KANK4: variants seen among roughly 807,000 people sequenced by gnomAD.
KANK4 encodes KN motif and ankyrin repeat domain-containing protein 4.
KANK4 carries 50 observed loss-of-function variants against 80.8 expected under a neutral mutation model. That is an observed-to-expected ratio of 0.62 (90% confidence interval 0.49 to 0.78). The LOEUF (loss-of-function observed/expected upper bound fraction) is 0.78. KANK4 is among the 30% of genes least tolerant of loss of function. KANK4 has a pLI of 0.00. For synonymous variants in KANK4, 465 were observed against 506.9 expected (o/e 0.92, Z 1.11); for missense variants, 1,196 against 1,240.1 (o/e 0.96, Z 0.53).
At chr1:62,306,156 T>C (rs969424892) in intron 1 of KANK4, among the ~76,000 whole-genome samples, 1 of 151,996 alleles carries the variant, frequency 6.6e-6, no homozygotes, top group Non-Finnish European at 1.5e-5. Flanking sequence ...AGCTAATTTT[T>C]ATTTTTATGT....
At chr1:62,296,321 C>T (rs1644363483) in intron 1 of KANK4, among the ~76,000 whole-genome samples, 1 of 152,158 alleles carries the variant, frequency 6.6e-6, no homozygotes, top group Non-Finnish European at 1.5e-5. Context: ...CCCTCACCTC[C>T]CCCGCCTCTG....
chr1:62,319,236 G>C lies in KANK4; in HGVS notation c.-201C>G, dbSNP rs1262718849. On this transcript the variant is annotated 5_prime_UTR_variant, in exon 1 of 10. Coordinates refer to ENST00000371153, the MANE Select transcript of KANK4 (RefSeq NM_181712.5). ...TGTCCGCGTCCCAGGCGCGCACCCC[G>C]GGGCTGGCGCACCCTGGTCGTCCGC... 6.6e-6 allele frequency: 1 copy of C among 152,024 alleles called. No individual in the cohort carries two copies. Among genetic ancestry groups the C allele is most frequent in the Admixed American group, 6.5e-5 (1 of 15,274 alleles). 9.4% of individuals were successfully genotyped at this position (152,024 alleles called of 1,614,324 possible).
At chr1:62,261,422 A>G (rs1438541356) in intron 7 of KANK4, among the ~76,000 whole-genome samples, 1 of 151,908 alleles carries the variant, frequency 6.6e-6, no homozygotes, top group Non-Finnish European at 1.5e-5. Context: ...GGCCTCCCAA[A>G]GTGCTGGGAT....
intron 1 of KANK4, among the ~76,000 whole-genome samples, chr1:62,301,888 C>G (rs1011767294): frequency 3.3e-5 from 5 of 151,856 alleles, no homozygotes; most frequent in East Asian, 1.9e-4. Flanking sequence ...CAAGAGCCAT[C>G]CATTTCCGTG....
chr1:62,268,589 G>A lies in KANK4; in HGVS notation c.2013-84C>T, dbSNP rs1557484542. 3 of 1,069,244 alleles carry A rather than the reference G, an allele frequency of 2.8e-6. No individual in the cohort carries two copies. The South Asian group carries it at 3.9e-5, about 14-fold the overall frequency. 66.2% of individuals were successfully genotyped at this position (1,069,244 alleles called of 1,614,324 possible). ...ACCAGTGAGAGCTGGGTGGGCCTCG[G>A]GTAACACTCCGCAGCTTGCTAATCT... On this transcript the variant is annotated intron_variant, in intron 4 of 9. Coordinates refer to ENST00000371153, the MANE Select transcript of KANK4 (RefSeq NM_181712.5).
In KANK4 at chr1:62,283,553, A is replaced by T. The variant is rs535037275; in HGVS notation, c.-70-1919T>A. The stretch of plus-strand genomic sequence containing the variant: ...TTCCCTGACACTATGACTGATCTTT[A>T]ATTCCCCCTGTGAGGGGAAATGCTT... On this transcript the variant is annotated intron_variant, in intron 1 of 9. Transcript: ENST00000371153. 2.6e-5 allele frequency among the ~76,000 whole-genome samples: 4 copies of T among 152,218 alleles called. No homozygotes were observed. The South Asian group carries it at 8.3e-4, about 32-fold the overall frequency.
intron 7 of KANK4, among the ~76,000 whole-genome samples, chr1:62,256,221 A>T (rs941437695): frequency 6.6e-6 from 1 of 152,204 alleles, no homozygotes; most frequent in Non-Finnish European, 1.5e-5. Flanking sequence ...GTAAGAGTTC[A>T]CTGTTATTAC....
intron 1 of KANK4, among the ~76,000 whole-genome samples, chr1:62,297,029 C>T (rs1571037112): frequency 1.3e-5 from 2 of 151,972 alleles, no homozygotes; most frequent in Non-Finnish European, 2.9e-5. Flanking sequence ...CCAGCCTGGC[C>T]AACATGGTGA....
At chr1:62,313,751 C>T (rs142112601) in intron 1 of KANK4, among the ~76,000 whole-genome samples, 5,268 of 152,140 alleles carry the variant, frequency 0.035, 253 homozygotes, top group African/African-American at 0.11. Flanking sequence ...CTAATGCATG[C>T]GGGGCTTAAA....
At chr1:62,290,502 A>G (rs1385372522) in intron 1 of KANK4, among the ~76,000 whole-genome samples, 1 of 152,208 alleles carries the variant, frequency 6.6e-6, no homozygotes, top group African/African-American at 2.4e-5. Context: ...TGAAGACCGC[A>G]GGGGATAAGG....
chr1:62,279,890 C>T (rs758612524), intron 2 of KANK4, among the ~76,000 whole-genome samples: 7 of 152,158 alleles, frequency 4.6e-5, no homozygotes, highest in South Asian at 2.1e-4. Context: ...GAATTCCCTA[C>T]GGAGTCTTGC....
Position 62,247,802 on chromosome 1 carries a change from T to C in KANK4, c.2683-130A>G, listed in dbSNP as rs562236241. ...TGATTTGAATCTCCTGCCCTTGATA[T>C]GGGACATAACCTTCTCTGCTTGGCA... is the stretch of plus-strand genomic sequence containing the variant. On this transcript the variant is annotated intron_variant, in intron 8 of 9. Coordinates refer to ENST00000371153, the MANE Select transcript of KANK4 (RefSeq NM_181712.5). 78 of 733,926 alleles carry C rather than the reference T, an allele frequency of 1.1e-4. No individual in the cohort carries two copies. The Admixed American group carries it at 1.6e-3, about 15-fold the overall frequency. The allele number at this position is 733,926 out of a possible 1,614,324, so 45.5% of individuals were successfully genotyped here.
intron 2 of KANK4, among the ~76,000 whole-genome samples, chr1:62,278,326 TTCCTTCCTTCCTTCCTTCCTTCCTTC>T: frequency 0.012 from 486 of 39,052 alleles, 82 homozygotes; most frequent in South Asian, 0.042. Flanking sequence ...TCTTTCTTCC[TTCCTTCCTTCCTTCCTTCCTTCCTTC>T]CTTCCTTCCT....
At chr1:62,308,340 G>A (rs191541684) in intron 1 of KANK4, among the ~76,000 whole-genome samples, 26 of 152,262 alleles carry the variant, frequency 1.7e-4, no homozygotes, top group African/African-American at 5.8e-4. Context: ...GCGGCTGCCT[G>A]GCCAGATAAT....
chr1:62,271,904 G>C, intron 3 of KANK4: 1 of 310,114 alleles, frequency 3.2e-6, no homozygotes, highest in Non-Finnish European at 6.3e-6. Context: ...GTGAATGGGA[G>C]TGTAGGAGCA....
In KANK4 at chr1:62,238,199, C is replaced by T; in HGVS notation, c.*78G>A. The T allele has an allele frequency of 9.9e-7, 1 of 1,009,342 alleles. No individual in the cohort carries two copies. The highest frequency in any genetic ancestry group is 1.5e-6 in the Non-Finnish European group (1 of 652,378). The allele number at this position is 1,009,342 out of a possible 1,614,324, so 62.5% of individuals were successfully genotyped here. A position where few individuals can be genotyped will look rare whatever the true frequency, so the allele number is the denominator to read the frequency against. ...AGAAGGGTGGCTCTCTGGCCTGTGA[C>T]CTCTGCCCTCTTCAAGGGCGAGGGA... On this transcript the variant is annotated 3_prime_UTR_variant, in exon 10 of 10. Coordinates refer to ENST00000371153, the MANE Select transcript of KANK4 (RefSeq NM_181712.5).
At chr1:62,292,152 A>T (rs1372670915) in intron 1 of KANK4, among the ~76,000 whole-genome samples, 1 of 152,172 alleles carries the variant, frequency 6.6e-6, no homozygotes, top group Non-Finnish European at 1.5e-5. Flanking sequence ...CACCACTGTG[A>T]TCTTTTGTGA....
chr1:62,251,377 G>C (rs984849589), intron 8 of KANK4, among the ~76,000 whole-genome samples: 1 of 152,054 alleles, frequency 6.6e-6, no homozygotes, highest in African/African-American at 2.4e-5. Flanking sequence ...TTTAACGTGG[G>C]GTAAAAGCCC....
Position 62,281,643 on chromosome 1 carries a change from AAGG to A in KANK4, c.-70-12_-70-10del, listed in dbSNP as rs571861353. On this transcript the variant is annotated splice_polypyrimidine_tract_variant and intron_variant, in intron 1 of 9. Transcript: ENST00000371153. The stretch of plus-strand genomic sequence containing the variant: ...AAAACTTGTTGAAGGTTCTGAAAGA[AAGG>A]AGGATACAGAAGTGGTGAGTCTCAT... 792 of 1,532,864 alleles carry A rather than the reference AAGG, an allele frequency of 5.2e-4. No homozygotes were observed. The African/African-American group carries it at 8.6e-3, about 17-fold the overall frequency. 95.0% of individuals were successfully genotyped at this position (1,532,864 alleles called of 1,614,324 possible).
Sources: gnomAD v4.1 joint callset for allele counts (sites outside exome capture counted in the v4.1 genomes callset) on GRCh38, gnomAD v4.1.1 for gene constraint, MANE v1.5 for transcripts, NCBI Gene and HGNC (gene_info 2026-07-23, HGNC 2026-07-21) for gene names.